Variants in ERBB4 observed in about 807,000 individuals in gnomAD.
ERBB4 encodes the protein erb-b2 receptor tyrosine kinase 4.
In ERBB4, 42 loss-of-function variants were observed where a neutral mutation model predicts 158.0. The ratio of observed to expected loss-of-function variants is 0.27; its 90% CI spans 0.21 to 0.34. The LOEUF is 0.34. ERBB4 is among the 10% of genes least tolerant of loss of function. The pLI, the probability that ERBB4 is intolerant of heterozygous loss-of-function variation, is 1.00. For synonymous variants in ERBB4, 583 were observed against 558.7 expected, an observed-to-expected ratio of 1.04 and a Z score of -0.61; for missense variants, 1,333 against 1,624.1, an observed-to-expected ratio of 0.82 and a Z score of 3.08.
intron 3 of ERBB4, among the ~76,000 whole-genome samples, chr2:211,832,110 T>C (rs1412606243): frequency 6.6e-6 from 1 of 152,126 alleles, no homozygotes; most frequent in African/African-American, 2.4e-5. Flanking sequence ...TACCTGAATA[T>C]AAAAATTCAT....
intron 19 of ERBB4, among the ~76,000 whole-genome samples, chr2:211,617,106 A>AT (rs1022553801): frequency 6.6e-5 from 10 of 151,854 alleles, no homozygotes; most frequent in Non-Finnish European, 1.3e-4. Context: ...GATTTTAGAG[A>AT]TTTTTTCTTA....
intron 20 of ERBB4, among the ~76,000 whole-genome samples, chr2:211,479,115 A>T (rs1214853231): frequency 6.6e-6 from 1 of 152,172 alleles, no homozygotes; most frequent in African/African-American, 2.4e-5. Flanking sequence ...AACTTAAAGC[A>T]AATATTGCTG....
At chr2:211,542,907 A>G (rs574355436) in intron 20 of ERBB4, among the ~76,000 whole-genome samples, 195 of 152,114 alleles carry the variant, frequency 1.3e-3, no homozygotes, top group Non-Finnish European at 1.8e-3. Flanking sequence ...AGATTCGTTC[A>G]ATCCCAAAAG....
chr2:211,448,232 C>G (rs1321561958), intron 20 of ERBB4, among the ~76,000 whole-genome samples: 1 of 152,098 alleles, frequency 6.6e-6, no homozygotes, highest in Non-Finnish European at 1.5e-5. Flanking sequence ...CTCAGCCTCC[C>G]AAAGTACTGG....
At chr2:212,527,852 CCT>C (rs1692534384) in intron 1 of ERBB4, among the ~76,000 whole-genome samples, 1 of 101,530 alleles carries the variant, frequency 9.8e-6, no homozygotes, top group Non-Finnish European at 1.9e-5. Context: ...ATCCCTCCCC[CCT>C]CCCCCCACCC....
intron 3 of ERBB4, among the ~76,000 whole-genome samples, chr2:211,945,517 T>C (rs1006021868): frequency 6.6e-6 from 1 of 152,154 alleles, no homozygotes; most frequent in Non-Finnish European, 1.5e-5. Flanking sequence ...CAACTCATTC[T>C]CTTAATCACT....
chr2:211,511,986 T>G (rs2065896010), intron 20 of ERBB4, among the ~76,000 whole-genome samples: 1 of 152,136 alleles, frequency 6.6e-6, no homozygotes, highest in South Asian at 2.1e-4. Flanking sequence ...CAGAGGGTAC[T>G]CATAACTATT....
intron 1 of ERBB4, among the ~76,000 whole-genome samples, chr2:212,222,546 A>G (rs900081037): frequency 2.0e-5 from 3 of 151,452 alleles, no homozygotes; most frequent in African/African-American, 7.3e-5. Context: ...TTTTTAAAGC[A>G]GCATTTAACA....
Position 211,750,689 on chromosome 2 carries a change from T to G in ERBB4, c.572A>C (p.Lys191Thr), listed in dbSNP as rs1164711560. ...NGSSGCGRCH[K>T]SCTGRCWGPT... is the part of the protein sequence containing the mutation. ...TCCCCAGCAACGGCCAGTACAGGAC[T>G]TATGGCAACGTCCACCTGCAGAACA... Residue 191 changes from lysine (K) to threonine (T), a missense_variant, in exon 5 of 28, where the codon AAG (lysine) becomes ACG (threonine). Lys to Thr is a moderately conservative substitution (Grantham distance 78, BLOSUM62 -1). Around this residue, in one of 5 missense-constraint regions of ERBB4, gnomAD observed 438 missense variants for 586.9 expected, o/e 0.75. Transcript: ENST00000342788. The G allele has an allele frequency of 6.2e-7, 1 of 1,613,984 alleles. No homozygotes were observed. The highest frequency in any genetic ancestry group is 8.5e-7 in the Non-Finnish European group (1 of 1,179,898).
chr2:211,768,277 C>T (rs544430678), intron 4 of ERBB4, among the ~76,000 whole-genome samples: 1 of 152,312 alleles, frequency 6.6e-6, no homozygotes, highest in African/African-American at 2.4e-5. Flanking sequence ...AGCCTTCCTC[C>T]TGGCTGCTTT....
intron 15 of ERBB4, among the ~76,000 whole-genome samples, chr2:211,658,601 G>C (rs540173006): frequency 2.6e-5 from 4 of 152,020 alleles, no homozygotes; most frequent in Non-Finnish European, 5.9e-5. Context: ...AAATTAACTG[G>C]TTTCACCATA....
At chr2:212,473,246 T>G (rs1416664382) in intron 1 of ERBB4, among the ~76,000 whole-genome samples, 4 of 152,030 alleles carry the variant, frequency 2.6e-5, no homozygotes, top group Non-Finnish European at 5.9e-5. Context: ...CTCGGGGGTG[T>G]GAATTATTCT....
chr2:211,740,374 C>A (rs1435131697), intron 5 of ERBB4, among the ~76,000 whole-genome samples: 1 of 151,872 alleles, frequency 6.6e-6, no homozygotes, highest in East Asian at 1.9e-4. Context: ...AGAGATGCAG[C>A]CATGATAATA....
intron 16 of ERBB4, among the ~76,000 whole-genome samples, chr2:211,652,909 G>C (rs926176011): frequency 3.3e-5 from 5 of 152,042 alleles, no homozygotes; most frequent in African/African-American, 1.2e-4. Context: ...TTGACTTATT[G>C]AGATTAACAA....
chr2:212,130,546 T>C (rs1288293871), intron 1 of ERBB4, among the ~76,000 whole-genome samples: 4 of 152,070 alleles, frequency 2.6e-5, no homozygotes, highest in African/African-American at 9.7e-5. Context: ...ACAATATCTA[T>C]ATTAAAACTA....
intron 20 of ERBB4, among the ~76,000 whole-genome samples, chr2:211,510,430 A>G (rs1261953156): frequency 1.3e-5 from 2 of 152,086 alleles, no homozygotes; most frequent in Non-Finnish European, 2.9e-5. Flanking sequence ...TGATATATCC[A>G]TGTCACAAAC....
intron 2 of ERBB4, among the ~76,000 whole-genome samples, chr2:211,998,529 CAAA>C (rs36008694): frequency 1.2e-4 from 14 of 116,268 alleles, no homozygotes; most frequent in Non-Finnish European, 1.1e-4. Context: ...CTCATACTGC[CAAA>C]AAAAAAAAAA....
At position 212,331,058 on chromosome 2, in the gene ERBB4, G is replaced by GTATATATATATATA; in HGVS notation, c.83-206169_83-206156dup. On this transcript the variant is annotated intron_variant, in intron 1 of 27. Transcript: ENST00000342788. Reference sequence around the variant, plus strand: ...AGTAAGTTTCCCATATTTGTAATTTGTATATATATATATACACATATATAT... The same window carrying GTATATATATATATA: ...AGTAAGTTTCCCATATTTGTAATTTGTATATATATATATATATATATATATATACACATATATAT... Among the ~76,000 whole-genome samples, 193 of 55,900 alleles carry GTATATATATATATA rather than the reference G, an allele frequency of 3.5e-3. 15 individuals carry two copies. Among genetic ancestry groups the GTATATATATATATA allele is most frequent in the African/African-American group, 5.9e-3 (150 of 25,222 alleles). The allele number at this position is 55,900 out of a possible 152,430, so 36.7% of individuals were successfully genotyped here.
intron 2 of ERBB4, among the ~76,000 whole-genome samples, chr2:211,977,573 C>T (rs2081648774): frequency 8.3e-6 from 1 of 120,608 alleles, no homozygotes; most frequent in Non-Finnish European, 1.7e-5. Context: ...TCCGGTGGCT[C>T]ATACCTGTAA....
Sources: gnomAD v4.1 joint callset for allele counts (sites outside exome capture counted in the v4.1 genomes callset) on GRCh38, gnomAD v4.1.1 for gene constraint, gnomAD v4.1.1 regional missense constraint, MANE v1.5 for transcripts, NCBI Gene and HGNC (gene_info 2026-07-23, HGNC 2026-07-21) for gene names.